The following UBR4 variants were observed in gnomAD, a reference collection of about 807,000 sequenced individuals.
The protein encoded by UBR4 is E3 ubiquitin-protein ligase UBR4.
Under a neutral mutation model 575.6 loss-of-function variants are expected in UBR4, and 124 were observed. That is an observed-to-expected ratio of 0.22 (90% CI 0.19 to 0.25). UBR4 has a LOEUF of 0.25. Ranked by LOEUF, UBR4 falls within the 10% of genes least tolerant of loss-of-function variation. UBR4 has a pLI of 1.00. For missense variants in UBR4, 4,818 were observed against 6,478.8 expected (o/e 0.74, Z 8.80); for synonymous variants, 2,455 against 2,473.7 (o/e 0.99, Z 0.22).
At chr1:19,147,026 G>T (rs113358908) in intron 51 of UBR4, 26 bp from the exon 52 acceptor site, 218 of 1,563,408 alleles carry the variant, frequency 1.4e-4, no homozygotes, top group Non-Finnish European at 3.3e-5. Context: ...AGCACAGAGG[G>T]TCAGCCATAA....
rs764679984 is a variant in UBR4 at position 19,095,032 on chromosome 1, GAGA to G, written c.13627-10_13627-8del. On this transcript the variant is annotated splice_region_variant and splice_polypyrimidine_tract_variant and intron_variant, in intron 93 of 105. Coordinates refer to ENST00000375254, the MANE Select transcript of UBR4 (RefSeq NM_020765.3). The stretch of plus-strand genomic sequence containing the variant: ...CTTGTTCAGCTACAAGGGCCTGTAG[GAGA>G]AGGAGACTCAGTCACTCTCAGAATA... The G allele has an allele frequency of 9.3e-6, 15 of 1,614,052 alleles. No homozygotes were observed. The Admixed American group carries it at 1.0e-4, about 11-fold the overall frequency.
rs746971184 is a variant in UBR4 at position 19,161,896 on chromosome 1, T to C, written c.4958A>G (p.Asp1653Gly). The C allele has an allele frequency of 1.2e-6, 2 of 1,614,134 alleles. No individual in the cohort carries two copies. The highest frequency in any genetic ancestry group is 1.7e-6 in the Non-Finnish European group (2 of 1,180,012). The change falls in exon 36 of 106, where the codon GAT becomes GGT. Residue 1653 changes from aspartate to glycine, a missense_variant and splice_region_variant. By Grantham distance (94) the Asp-to-Gly change is moderately conservative (BLOSUM62 -1). Transcript: ENST00000375254. ...GAGTTTATTGCAAAGAGAATCTTCA[T>C]CCTTCAAAAATAATAAGTCTTTTTA... ...EEEDSQAEDS[D>G]EDSLCNKLCT...
chr1:19,122,148 G>T, intron 66 of UBR4, 136 bp from the exon 67 acceptor site: 1 of 839,056 alleles, frequency 1.2e-6, no homozygotes, highest in Non-Finnish European at 2.0e-6. Flanking sequence ...GCAGATGCTT[G>T]CTGAGATGTC....
rs10158669 is a variant in UBR4 at position 19,077,762 on chromosome 1, A to C, written c.15324+214T>G. On this transcript the variant is annotated intron_variant, in intron 104 of 105. Transcript: ENST00000375254. ...AAAACCAAACCAAACCAAACCAAAC[A>C]AAACCAAACAAAACAAATGTACCTC... The C allele has an allele frequency of 0.01, 15,091 of 1,487,314 alleles. 671 individuals carry two copies. In the African/African-American group the frequency reaches 0.13, roughly 12 times the overall value. 92.1% of individuals were successfully genotyped at this position (1,487,314 alleles called of 1,614,324 possible).
chr1:19,156,510 C>T (rs2150392568), intron 41 of UBR4, 87 bp from the exon 42 acceptor site: 1 of 1,482,710 alleles, frequency 6.7e-7, no homozygotes, highest in African/African-American at 1.4e-5. Flanking sequence ...TCCCTTTTTT[C>T]CTCTAATATC....
At chr1:19,113,538 G>C in intron 77 of UBR4, 161 bp downstream of exon 77, 1 of 1,028,600 alleles carries the variant, frequency 9.7e-7, no homozygotes, top group Non-Finnish European at 1.4e-6. Flanking sequence ...CGGTGGGGGA[G>C]ATGCCGTTTG....
chr1:19,135,177 T>C (rs1293830299), intron 60 of UBR4, among the ~76,000 whole-genome samples: 1 of 152,162 alleles, frequency 6.6e-6, no homozygotes, highest in African/African-American at 2.4e-5. Context: ...AACCCTCCTT[T>C]CCTCCATTGT....
intron 104 of UBR4, among the ~76,000 whole-genome samples, chr1:19,077,221 T>C (rs2076030766): frequency 6.6e-6 from 1 of 152,190 alleles, no homozygotes; most frequent in Non-Finnish European, 1.5e-5. Flanking sequence ...CCATGAGCTG[T>C]CTCATTCCGA....
chr1:19,144,606 C>T (rs116422625), intron 54 of UBR4, among the ~76,000 whole-genome samples, 180 bp downstream of exon 54: 1,554 of 152,338 alleles, frequency 0.01, 11 homozygotes, highest in South Asian at 0.019. Flanking sequence ...CTGAGCCCAT[C>T]CCCTTTCCAA....
intron 97 of UBR4, among the ~76,000 whole-genome samples, chr1:19,091,327 T>A (rs1280731864): frequency 6.6e-6 from 1 of 152,160 alleles, no homozygotes; most frequent in Non-Finnish European, 1.5e-5. Flanking sequence ...AGAAAAGGGA[T>A]TTCAGTGAGA....
chr1:19,129,998 G>A (rs1187305581), intron 60 of UBR4, among the ~76,000 whole-genome samples: 1 of 151,812 alleles, frequency 6.6e-6, no homozygotes, highest in Non-Finnish European at 1.5e-5. Flanking sequence ...CCAGAATATT[G>A]TCTTTTTCTT....
At position 19,086,141 on chromosome 1, in the gene UBR4, T is replaced by A. The variant is rs1479219807; in HGVS notation, c.14813+4A>T. On this transcript the variant is annotated splice_donor_region_variant and intron_variant, in intron 101 of 105. Transcript: ENST00000375254. ...TTCCACCATGAAAAATACTCAACAC[T>A]CACCTTGCCAAGCAAGTGGCAAAAG... The A allele has an allele frequency of 6.2e-7, 1 of 1,613,468 alleles. No individual in the cohort carries two copies. The highest frequency in any genetic ancestry group is 8.5e-7 in the Non-Finnish European group (1 of 1,179,892).
intron 64 of UBR4, 71 bp from the exon 65 acceptor site, chr1:19,124,761 G>A: frequency 6.4e-7 from 1 of 1,568,080 alleles, no homozygotes; most frequent in Non-Finnish European, 8.6e-7. Context: ...GAAAAAGCCT[G>A]GCTCATTAGA....
At chr1:19,143,902 A>G (rs1259085621) in intron 55 of UBR4, 78 bp downstream of exon 55, 5 of 1,340,796 alleles carry the variant, frequency 3.7e-6, no homozygotes, top group Non-Finnish European at 5.3e-6. Flanking sequence ...CATGAGCAGC[A>G]TGCCCAATGC....
At chr1:19,109,712 G>A (rs564824109) in intron 81 of UBR4, among the ~76,000 whole-genome samples, 4 of 152,332 alleles carry the variant, frequency 2.6e-5, no homozygotes, top group South Asian at 2.1e-4. Context: ...AAATGGAAGC[G>A]CTGGAATTTG....
At chr1:19,077,787 C>T in intron 104 of UBR4, 189 bp downstream of exon 104, 2 of 1,524,882 alleles carry the variant, frequency 1.3e-6, no homozygotes, top group Non-Finnish European at 1.8e-6. Flanking sequence ...AAATGTACCT[C>T]ACAGACACAA....
In UBR4 at chr1:19,157,441, A is replaced by G. The variant is rs986222678; in HGVS notation, c.5760+374T>C. Among the ~76,000 whole-genome samples, 1 of 152,244 alleles carries G rather than the reference A, an allele frequency of 6.6e-6. No individual in the cohort carries two copies. Among genetic ancestry groups the G allele is most frequent in the Non-Finnish European group, 1.5e-5 (1 of 68,042 alleles). On this transcript the variant is annotated intron_variant, in intron 40 of 105. Coordinates refer to ENST00000375254, the MANE Select transcript of UBR4 (RefSeq NM_020765.3). This position sits in a 1 kb window ranked among gnomAD's most constrained non-coding sequence, Gnocchi z 4.4. The stretch of plus-strand genomic sequence containing the variant: ...ATGGCACGGCAGCACTACATAAGCA[A>G]CACTGAGTGTTCCTATGAAAACTTT...
chr1:19,208,095 A>C (rs1489306904), intron 1 of UBR4, among the ~76,000 whole-genome samples: 1 of 152,222 alleles, frequency 6.6e-6, no homozygotes, highest in African/African-American at 2.4e-5. Flanking sequence ...TCTTTAGATC[A>C]TACTCCTCTC....
intron 39 of UBR4, 39 bp from the exon 40 acceptor site, chr1:19,158,036 G>A (rs1185750287): frequency 6.9e-6 from 11 of 1,587,140 alleles, no homozygotes; most frequent in East Asian, 2.3e-5. Flanking sequence ...GCAGTAATGA[G>A]GCAAATAAAA....
Sources: allele counts gnomAD v4.1 joint callset (sites outside exome capture counted in the v4.1 genomes callset), GRCh38; gene constraint gnomAD v4.1.1; non-coding constraint Gnocchi (gnomAD v3.1); transcripts MANE v1.5; gene names NCBI Gene and HGNC (gene_info 2026-07-23, HGNC 2026-07-21).